TCF3: variants seen among roughly 807,000 people sequenced by gnomAD.
The protein encoded by TCF3 is transcription factor 3.
A neutral mutation model predicts 72.3 loss-of-function variants in TCF3; 54 were observed. That is an observed-to-expected ratio of 0.75 (90% CI 0.60 to 0.94). The LOEUF (loss-of-function observed/expected upper bound fraction) is 0.94. Ranked by LOEUF, TCF3 falls within the 40% of genes least tolerant of loss-of-function variation. TCF3 has a pLI of 0.00. For missense variants in TCF3, 1,078 were observed against 934.4 expected, an observed-to-expected ratio of 1.15 and a Z score of -2.00; for synonymous variants, 525 against 412.6, an observed-to-expected ratio of 1.27 and a Z score of -3.30.
At chr19:1,625,407 C>G (rs1312744530) in intron 7 of TCF3, among the ~76,000 whole-genome samples, 169 bp downstream of exon 7, 1 of 152,228 alleles carries the variant, frequency 6.6e-6, no homozygotes, top group Non-Finnish European at 1.5e-5. Context: ...CTGCCTCGAC[C>G]CCCCGTCACC....
chr19:1,642,096 AAAG>A (rs2065329034), intron 3 of TCF3, among the ~76,000 whole-genome samples: 1 of 151,820 alleles, frequency 6.6e-6, no homozygotes, highest in South Asian at 2.1e-4. Context: ...TCCTGGGCTT[AAAG>A]AAGGTGCATG....
chr19:1,622,439 G>T, intron 8 of TCF3, 24 bp from the exon 9 acceptor site: 1 of 1,256,008 alleles, frequency 8.0e-7, no homozygotes, highest in Non-Finnish European at 1.1e-6. Flanking sequence ...GGCGGTGGGG[G>T]GTGCAGTCAG....
chr19:1,615,771 C>T lies in TCF3; in HGVS notation c.1501G>A (p.Glu501Lys). Residue 501 changes from glutamate (E) to lysine (K), a missense_variant, in exon 17 of 19, where the codon GAG becomes AAG. Coordinates refer to ENST00000262965, the MANE Select transcript of TCF3 (RefSeq NM_003200.5). The surrounding 1 kb of genome is among the most constrained non-coding windows in gnomAD (Gnocchi z 7.3). ...TAAASEIKREEKEDEENTSAA... is the reference protein window; with the variant it reads ...TAAASEIKREKKEDEENTSAA... ...GACGTGTTCTCCTCGTCCTCCTTCT[C>T]CTCCCGCTTGATCTCGCTGGCGGCC... 6.3e-7 allele frequency: 1 copy of T among 1,598,158 alleles called. No individual in the cohort carries two copies. Among genetic ancestry groups the T allele is most frequent in the Non-Finnish European group, 8.5e-7 (1 of 1,169,934 alleles).
chr19:1,646,652 G>A (rs2066146048), intron 2 of TCF3, among the ~76,000 whole-genome samples: 1 of 152,160 alleles, frequency 6.6e-6, no homozygotes, highest in South Asian at 2.1e-4. Context: ...CGCCCAGAGT[G>A]AGAAAACTCC....
intron 3 of TCF3, among the ~76,000 whole-genome samples, chr19:1,636,348 C>T (rs919557091): frequency 4.6e-5 from 7 of 152,012 alleles, no homozygotes; most frequent in African/African-American, 9.7e-5. Flanking sequence ...TTAGTAGAGA[C>T]GGGGTTTCAT....
At chr19:1,619,759 T>TGGGGGGGGG in intron 14 of TCF3, 21 bp downstream of exon 14, 1 of 483,178 alleles carries the variant, frequency 2.1e-6, no homozygotes, top group Non-Finnish European at 2.8e-6. Flanking sequence ...AAGGGTGGGG[T>TGGGGGGGGG]GGGGCGGGGC....
In TCF3 at chr19:1,611,688, T is replaced by C. The variant is rs375466601; in HGVS notation, c.*19A>G. 1.2e-6 allele frequency: 2 copies of C among 1,605,616 alleles called. No homozygotes were observed. The highest frequency in any genetic ancestry group is 1.7e-6 in the Non-Finnish European group (2 of 1,175,004). On this transcript the variant is annotated 3_prime_UTR_variant, in exon 19 of 19. Transcript: ENST00000262965. ...CACAGGGCTGAAAGCGGGTGGCTCG[T>C]CCCACGGAGGCATACCTTTCACATG...
intron 11 of TCF3, among the ~76,000 whole-genome samples, chr19:1,621,527 G>A (rs546899591): frequency 1.3e-3 from 193 of 151,472 alleles, no homozygotes; most frequent in Non-Finnish European, 2.4e-3. Flanking sequence ...CTGGGCCTGG[G>A]TGGGTGAGTC....
Position 1,611,752 on chromosome 19 carries a change from G to GGGA in TCF3, c.1917_1919dup (p.Pro640dup), listed in dbSNP as rs775980361. 2.5e-6 allele frequency: 4 copies of GGGA among 1,613,680 alleles called. No individual in the cohort carries two copies. Among genetic ancestry groups the GGGA allele is most frequent in the Non-Finnish European group, 2.5e-6 (3 of 1,179,984 alleles). On this transcript the variant is annotated inframe_insertion, in exon 19 of 19. Transcript: ENST00000262965. ...TGTGGGCTTCGCTCAGGCCTGGGTG[G>GGGA]GGAGCTGAAAGCACCATCTGGGGGT...
intron 3 of TCF3, among the ~76,000 whole-genome samples, chr19:1,642,157 C>CACACACACACACACGCACGCGT (rs2065355294): frequency 6.6e-6 from 1 of 151,690 alleles, no homozygotes; most frequent in East Asian, 1.9e-4. Flanking sequence ...CACACACACA[C>CACACACACACACACGCACGCGT]ACACACACGC....
chr19:1,650,402 G>C, intron 1 of TCF3, 115 bp from the exon 2 acceptor site: 1 of 747,572 alleles, frequency 1.3e-6, no homozygotes, highest in Non-Finnish European at 2.1e-6. Flanking sequence ...AACCGCCCTG[G>C]GGTCTGAGTT....
intron 3 of TCF3, among the ~76,000 whole-genome samples, chr19:1,641,075 AGGAGGC>A (rs768267885): frequency 1.4e-4 from 21 of 148,070 alleles, no homozygotes; most frequent in African/African-American, 2.2e-4. Flanking sequence ...GTTTGAACTC[AGGAGGC>A]GGAGGCGGAG....
At position 1,644,267 on chromosome 19, in the gene TCF3, C is replaced by T. The variant is rs575459425; in HGVS notation, c.145+2088G>A. 1.1e-4 allele frequency among the ~76,000 whole-genome samples: 16 copies of T among 152,314 alleles called. No individual in the cohort carries two copies. In the South Asian group the frequency reaches 2.7e-3, roughly 26 times the overall value. On this transcript the variant is annotated intron_variant, in intron 3 of 18. Coordinates refer to ENST00000262965, the MANE Select transcript of TCF3 (RefSeq NM_003200.5). ...TCGGGAGGGCCACACCTGGGGCCAG[C>T]GCCACAGCCTGCAGGGGCCTGGGGG...
At chr19:1,650,033 A>G (rs2066763999) in intron 2 of TCF3, 144 bp downstream of exon 2, 1 of 792,062 alleles carries the variant, frequency 1.3e-6, no homozygotes, top group Non-Finnish European at 2.0e-6. Flanking sequence ...AGAGCGGCCC[A>G]CTCCCCCAGC....
intron 18 of TCF3, among the ~76,000 whole-genome samples, chr19:1,613,204 G>C (rs369296051): frequency 6.6e-6 from 1 of 152,270 alleles, no homozygotes; most frequent in South Asian, 2.1e-4. Flanking sequence ...TGCACGCGGC[G>C]AATGTGCTCC....
chr19:1,632,835 G>A (rs921173781), intron 3 of TCF3, among the ~76,000 whole-genome samples: 69 of 152,332 alleles, frequency 4.5e-4, no homozygotes, highest in African/African-American at 1.6e-3. Flanking sequence ...GCTCATGACA[G>A]CATGAGGGTG....
intron 5 of TCF3, among the ~76,000 whole-genome samples, chr19:1,627,958 C>T (rs1176796302): frequency 4.0e-4 from 5 of 12,582 alleles, no homozygotes; most frequent in African/African-American, 2.5e-3. Flanking sequence ...GGGGATGAGG[C>T]GGGAAGGGGA....
intron 8 of TCF3, 67 bp downstream of exon 8, chr19:1,623,884 G>T: frequency 6.5e-7 from 1 of 1,538,288 alleles, no homozygotes; most frequent in Non-Finnish European, 8.9e-7. Context: ...CCCAAGCTTC[G>T]CCAGGACACA....
Position 1,627,747 on chromosome 19 carries a change from G to A in TCF3, c.299-321C>T, listed in dbSNP as rs559646925. On this transcript the variant is annotated intron_variant, in intron 5 of 18. Coordinates refer to ENST00000262965, the MANE Select transcript of TCF3 (RefSeq NM_003200.5). ...CCACAGAAGCCCTGCCCAGGGGGTG[G>A]GGCGGAAAGGGGACAGCAGAGCTCA... Among the ~76,000 whole-genome samples the A allele has an allele frequency of 2.5e-3, 376 of 151,074 alleles. 2 individuals are homozygous for A. The highest frequency in any genetic ancestry group is 8.1e-3 in the African/African-American group (333 of 41,112).
Sources: gnomAD v4.1 joint callset for allele counts (sites outside exome capture counted in the v4.1 genomes callset) on GRCh38, gnomAD v4.1.1 for gene constraint, Gnocchi (gnomAD v3.1) non-coding constraint, MANE v1.5 for transcripts, NCBI Gene and HGNC (gene_info 2026-07-23, HGNC 2026-07-21) for gene names.